Variants in DLGAP2 observed in about 807,000 individuals in gnomAD.
DLGAP2 encodes disks large-associated protein 2.
Under a neutral mutation model 100.3 loss-of-function variants are expected in DLGAP2, and 26 were observed. The observed-to-expected ratio is 0.26, with a 90% CI of 0.19 to 0.36. The LOEUF is 0.36. Among genes scored for constraint, DLGAP2 ranks in the 10% least tolerant of loss-of-function variants. The pLI is 1.00. For missense variants in DLGAP2, 1,858 were observed against 1,453.2 expected (o/e 1.28, Z -4.53); for synonymous variants, 886 against 630.1 (o/e 1.41, Z -6.08).
intron 2 of DLGAP2, among the ~76,000 whole-genome samples, chr8:988,079 C>G (rs529514285): frequency 6.6e-6 from 1 of 152,164 alleles, no homozygotes; most frequent in African/African-American, 2.4e-5. Flanking sequence ...TAGCATGGTT[C>G]TATTCTCATA....
intron 5 of DLGAP2, among the ~76,000 whole-genome samples, chr8:1,550,993 CA>C (rs769745554): frequency 6.6e-6 from 1 of 152,194 alleles, no homozygotes; most frequent in Non-Finnish European, 1.5e-5. Flanking sequence ...ACTAATGGGA[CA>C]GGGGGACTAG....
intron 3 of DLGAP2, among the ~76,000 whole-genome samples, chr8:1,484,622 C>A (rs762373639): frequency 3.3e-5 from 5 of 152,194 alleles, no homozygotes; most frequent in Non-Finnish European, 5.9e-5. Context: ...CCAATTCAGA[C>A]CCAACTTACA....
At chr8:1,511,967 C>G (rs555549492) in intron 4 of DLGAP2, among the ~76,000 whole-genome samples, 2 of 152,224 alleles carry the variant, frequency 1.3e-5, no homozygotes, top group Admixed American at 1.3e-4. Context: ...TACCACCACT[C>G]GGGTTTGGTA....
rs544157845 is a variant in DLGAP2, at chr8:887,959, C to G, written c.19-19953C>G. Among the ~76,000 whole-genome samples the G allele has an allele frequency of 2.6e-5, 4 of 152,294 alleles. No individual in the cohort carries two copies. The South Asian group carries it at 6.2e-4, about 24-fold the overall frequency. On this transcript the variant is annotated intron_variant, in intron 1 of 14. Coordinates refer to ENST00000637795, the MANE Select transcript of DLGAP2 (RefSeq NM_001346810.2). ...TGCAGAAGTTCTCCTGGATAATATC[C>G]TGCAGTGTGTTTTCCAGCTTGTTTC...
chr8:1,174,836 A>C (rs1797219805), intron 2 of DLGAP2, among the ~76,000 whole-genome samples: 1 of 152,128 alleles, frequency 6.6e-6, no homozygotes, highest in Non-Finnish European at 1.5e-5. Context: ...ATAGCAGCTG[A>C]GTTCTGTTTA....
chr8:1,289,190 A>G (rs905490764), intron 3 of DLGAP2, among the ~76,000 whole-genome samples: 3 of 152,204 alleles, frequency 2.0e-5, no homozygotes, highest in Admixed American at 1.3e-4. Context: ...CCTAGTAACC[A>G]GTATTGGGAG....
At chr8:1,121,912 A>G (rs1796059215) in intron 2 of DLGAP2, among the ~76,000 whole-genome samples, 2 of 152,146 alleles carry the variant, frequency 1.3e-5, no homozygotes, top group Non-Finnish European at 2.9e-5. Flanking sequence ...TATTTTGGCC[A>G]TTTGCTCAGA....
chr8:1,583,178 G>A (rs945168485), intron 6 of DLGAP2, among the ~76,000 whole-genome samples: 3 of 152,300 alleles, frequency 2.0e-5, no homozygotes, highest in East Asian at 1.9e-4. Flanking sequence ...TGACACTTCC[G>A]TTTTGGGATA....
chr8:1,122,489 C>T (rs1393087925), intron 2 of DLGAP2, among the ~76,000 whole-genome samples: 2 of 152,152 alleles, frequency 1.3e-5, no homozygotes, highest in Non-Finnish European at 2.9e-5. Context: ...ATTTTTGATC[C>T]CACAATAGGT....
chr8:762,841 C>A (rs999784629), intron 1 of DLGAP2, among the ~76,000 whole-genome samples: 22 of 152,010 alleles, frequency 1.4e-4, no homozygotes, highest in Admixed American at 2.0e-4. Flanking sequence ...CTACACCAGG[C>A]TAGCTTTTGA....
chr8:1,381,339 G>GTT (rs2129766017), intron 3 of DLGAP2: 1 of 152,204 alleles, frequency 6.6e-6, no homozygotes, highest in African/African-American at 2.4e-5. Context: ...AAAATGGGCC[G>GTT]TTACGGTTCC....
intron 2 of DLGAP2, among the ~76,000 whole-genome samples, chr8:954,269 T>C (rs1384865885): frequency 2.0e-5 from 3 of 152,242 alleles, no homozygotes; most frequent in Admixed American, 6.5e-5. Context: ...TTATTAACTA[T>C]AGTCACCATG....
At chr8:1,475,195 G>C (rs2130220301) in intron 3 of DLGAP2, among the ~76,000 whole-genome samples, 1 of 152,242 alleles carries the variant, frequency 6.6e-6, no homozygotes, top group East Asian at 1.9e-4. Context: ...ACGGGAACAA[G>C]ACACCGGGAA....
At position 1,046,630 on chromosome 8, in the gene DLGAP2, T is replaced by C. The variant is rs549751555; in HGVS notation, c.73+138664T>C. The stretch of plus-strand genomic sequence containing the variant: ...CCAGATGCTGTTGGAGATGTGTTAG[T>C]ACACGTTGAAAAGGGGGATAAGTGA... On this transcript the variant is annotated intron_variant, in intron 2 of 14. Transcript: ENST00000637795. 2.6e-5 allele frequency among the ~76,000 whole-genome samples: 4 copies of C among 152,328 alleles called. No homozygotes were observed. In the South Asian group the frequency reaches 8.3e-4, roughly 32 times the overall value.
intron 3 of DLGAP2, among the ~76,000 whole-genome samples, chr8:1,378,948 G>C (rs1433075893): frequency 1.3e-5 from 2 of 152,218 alleles, no homozygotes; most frequent in Non-Finnish European, 1.5e-5. Context: ...TTCTAGCTCA[G>C]GGTAGCTCAT....
At chr8:1,004,000 C>A (rs1801036272) in intron 2 of DLGAP2, among the ~76,000 whole-genome samples, 1 of 152,136 alleles carries the variant, frequency 6.6e-6, no homozygotes, top group Admixed American at 6.6e-5. Context: ...TTCTTTTTTA[C>A]CATTTTTTTT....
At chr8:752,429 C>T (rs976402850) in intron 1 of DLGAP2, among the ~76,000 whole-genome samples, 1 of 152,224 alleles carries the variant, frequency 6.6e-6, no homozygotes, top group African/African-American at 2.4e-5. Context: ...CGGAGAGCCA[C>T]AGTCAGGCAA....
intron 12 of DLGAP2, among the ~76,000 whole-genome samples, chr8:1,686,919 C>T (rs774013119): frequency 4.1e-4 from 63 of 152,194 alleles, no homozygotes; most frequent in Non-Finnish European, 7.8e-4. Context: ...TGATGCACGT[C>T]CCAGTCATCC....
chr8:984,982 T>C (rs1800445525), intron 2 of DLGAP2, among the ~76,000 whole-genome samples: 1 of 152,238 alleles, frequency 6.6e-6, no homozygotes, highest in Non-Finnish European at 1.5e-5. Context: ...AATGCTAAGC[T>C]TAAACAGAAC....
Sources: gnomAD v4.1 joint callset for allele counts (sites outside exome capture counted in the v4.1 genomes callset) on GRCh38, gnomAD v4.1.1 for gene constraint, MANE v1.5 for transcripts, NCBI Gene and HGNC (gene_info 2026-07-23, HGNC 2026-07-21) for gene names.